Variants in EYS observed in about 807,000 individuals in gnomAD.
EYS encodes the protein protein eyes shut homolog.
EYS carries 250 observed loss-of-function variants against 282.1 expected under a neutral mutation model. The observed-to-expected ratio is 0.89, with a 90% confidence interval of 0.80 to 0.98. The LOEUF (loss-of-function observed/expected upper bound fraction) is 0.98. Among genes scored for constraint, EYS ranks in the 50% least tolerant of loss-of-function variants. The pLI, the probability that EYS is intolerant of heterozygous loss-of-function variation, is 0.00. For missense variants in EYS, 4,016 were observed against 3,709.0 expected (o/e 1.08, Z -2.15); for synonymous variants, 1,355 against 1,282.9 (o/e 1.06, Z -1.20).
At chr6:65,488,314 G>T (rs547572657) in intron 5 of EYS, among the ~76,000 whole-genome samples, 1 of 152,056 alleles carries the variant, frequency 6.6e-6, no homozygotes, top group African/African-American at 2.4e-5. Flanking sequence ...GGCATTTAGG[G>T]CTATAAATTT....
chr6:64,208,079 A>G (rs921115219), intron 31 of EYS, among the ~76,000 whole-genome samples: 3 of 152,210 alleles, frequency 2.0e-5, no homozygotes, highest in Admixed American at 6.5e-5. Flanking sequence ...TATGGGGTAA[A>G]GACCCATTAT....
intron 5 of EYS, among the ~76,000 whole-genome samples, chr6:65,419,788 C>G (rs1210529492): frequency 6.6e-6 from 1 of 151,766 alleles, no homozygotes; most frequent in African/African-American, 2.4e-5. Context: ...ACAGGCATAT[C>G]CTGGAGCTAT....
chr6:65,171,111 A>G (rs1765095114), intron 12 of EYS, among the ~76,000 whole-genome samples: 1 of 151,576 alleles, frequency 6.6e-6, no homozygotes, highest in Non-Finnish European at 1.5e-5. Flanking sequence ...TGTACTAATT[A>G]TCTGTTACTT....
chr6:64,329,233 C>T (rs1046223259), intron 29 of EYS, among the ~76,000 whole-genome samples: 11 of 152,036 alleles, frequency 7.2e-5, no homozygotes, highest in African/African-American at 2.7e-4. Flanking sequence ...ATAATTGGAG[C>T]TACAGGAATA....
intron 29 of EYS, among the ~76,000 whole-genome samples, chr6:64,357,847 G>A (rs1027738223): frequency 6.6e-6 from 1 of 151,568 alleles, no homozygotes; most frequent in Admixed American, 6.6e-5. Flanking sequence ...TTTTGCCCAA[G>A]AGCAGTGTTT....
At chr6:64,127,095 C>A (rs896911804) in intron 31 of EYS, among the ~76,000 whole-genome samples, 1 of 152,114 alleles carries the variant, frequency 6.6e-6, no homozygotes, top group East Asian at 1.9e-4. Flanking sequence ...TTTAATCTGT[C>A]TTTCACTAGG....
chr6:64,246,018 C>CAAAAAAAAAAAAAAAAAAA (rs60121734), intron 30 of EYS, among the ~76,000 whole-genome samples: 4 of 56,200 alleles, frequency 7.1e-5, no homozygotes, highest in African/African-American at 2.5e-4. Flanking sequence ...AACTCCGTCT[C>CAAAAAAAAAAAAAAAAAAA]AAAAAAAAAA....
At chr6:64,988,607 C>T (rs9345577) in intron 14 of EYS, among the ~76,000 whole-genome samples, 53,283 of 151,238 alleles carry the variant, frequency 0.35, 11,492 homozygotes, top group Admixed American at 0.49. Context: ...TGCAATGTTT[C>T]AGGCATTGTC....
At chr6:65,453,945 T>C (rs551814472) in intron 5 of EYS, among the ~76,000 whole-genome samples, 10 of 152,036 alleles carry the variant, frequency 6.6e-5, no homozygotes, top group African/African-American at 1.7e-4. Flanking sequence ...GACTTTTAGG[T>C]TGATTCTATA....
At chr6:64,862,632 C>T (rs1464904422) in intron 19 of EYS, among the ~76,000 whole-genome samples, 1 of 151,994 alleles carries the variant, frequency 6.6e-6, no homozygotes, top group Non-Finnish European at 1.5e-5. Context: ...CAGTCTTGTT[C>T]TGTGGATTAC....
At chr6:64,734,332 A>AT (rs889266655) in intron 22 of EYS, among the ~76,000 whole-genome samples, 31 of 149,914 alleles carry the variant, frequency 2.1e-4, no homozygotes, top group Admixed American at 7.3e-4. Flanking sequence ...GCATGTTTTT[A>AT]TTTTTTTTTT....
intron 26 of EYS, among the ~76,000 whole-genome samples, chr6:64,559,868 CT>C (rs1397155260): frequency 6.6e-6 from 1 of 151,996 alleles, no homozygotes; most frequent in African/African-American, 2.4e-5. Flanking sequence ...GATATTAAGC[CT>C]AGTACCCAAG....
chr6:64,538,549 A>T (rs75070565), intron 26 of EYS, among the ~76,000 whole-genome samples: 10 of 152,248 alleles, frequency 6.6e-5, no homozygotes, highest in African/African-American at 1.9e-4. Context: ...TGTTCCTTCT[A>T]TTAGGTCAAG....
In EYS at chr6:64,369,523, G is replaced by A. The variant is rs2150412781; in HGVS notation, c.6078+19167C>T. On this transcript the variant is annotated intron_variant, in intron 29 of 42. Coordinates refer to ENST00000503581, the MANE Select transcript of EYS (RefSeq NM_001142800.2). ...GCAGTATGACCACTTTCACAATATT[G>A]GTTCTTCCCGTCTATGAGCATGGAA... is the stretch of plus-strand genomic sequence containing the variant. Among the ~76,000 whole-genome samples the A allele has an allele frequency of 2.6e-5, 4 of 152,176 alleles. No individual in the cohort carries two copies. The South Asian group carries it at 8.3e-4, about 32-fold the overall frequency.
chr6:64,366,166 C>T (rs1264206384), intron 29 of EYS, among the ~76,000 whole-genome samples: 1 of 151,734 alleles, frequency 6.6e-6, no homozygotes, highest in East Asian at 1.9e-4. Flanking sequence ...GTTTTCTTTC[C>T]CGTTAATATT....
In EYS at chr6:64,267,346, C is replaced by G. The variant is rs113990927; in HGVS notation, c.6192-36522G>C. On this transcript the variant is annotated intron_variant, in intron 30 of 42. Coordinates refer to ENST00000503581, the MANE Select transcript of EYS (RefSeq NM_001142800.2). ...TCCTGACATGGGCTCTGTGCCTCTTCTATTTGCTCTGTTATCTCTTTCCCT... is the reference window on the plus strand; with the variant it reads ...TCCTGACATGGGCTCTGTGCCTCTTGTATTTGCTCTGTTATCTCTTTCCCT... Among the ~76,000 whole-genome samples, 927 of 152,172 alleles carry G rather than the reference C, an allele frequency of 6.1e-3. 2 individuals carry two copies. Among genetic ancestry groups the G allele is most frequent in the African/African-American group, 0.021 (878 of 41,542 alleles).
intron 19 of EYS, among the ~76,000 whole-genome samples, chr6:64,827,536 A>G (rs1765095045): frequency 6.6e-6 from 1 of 151,922 alleles, no homozygotes; most frequent in African/African-American, 2.4e-5. Context: ...TTGTGATAAC[A>G]TTTTGAAAAT....
chr6:65,202,101 G>T (rs956644324), intron 12 of EYS, among the ~76,000 whole-genome samples: 2 of 151,186 alleles, frequency 1.3e-5, no homozygotes, highest in Admixed American at 1.3e-4. Context: ...GACAGAGCGA[G>T]ACTCCATCTA....
At chr6:65,270,069 G>A (rs1390679905) in intron 12 of EYS, among the ~76,000 whole-genome samples, 2 of 152,150 alleles carry the variant, frequency 1.3e-5, no homozygotes, top group Non-Finnish European at 2.9e-5. Flanking sequence ...AGATATAGGT[G>A]CAACTTGAAA....
Sources: gnomAD v4.1 joint callset for allele counts (sites outside exome capture counted in the v4.1 genomes callset) on GRCh38, gnomAD v4.1.1 for gene constraint, MANE v1.5 for transcripts, NCBI Gene and HGNC (gene_info 2026-07-23, HGNC 2026-07-21) for gene names.